CLDN10: variants seen among roughly 807,000 people sequenced by gnomAD.
CLDN10 encodes claudin 10, also known as claudin-10.
In CLDN10, 15 loss-of-function variants were observed where a neutral mutation model predicts 22.9. The observed-to-expected ratio is 0.65, with a 90% confidence interval of 0.44 to 1.01. CLDN10 has a LOEUF of 1.01. Ranked by LOEUF, CLDN10 falls within the 50% of genes least tolerant of loss-of-function variation. CLDN10 has a pLI of 0.00. For missense variants in CLDN10, 247 were observed against 287.8 expected (o/e 0.86, Z 1.03); for synonymous variants, 114 against 111.4 (o/e 1.02, Z -0.15).
At chr13:95,555,052 T>TTG (rs1284690936) in intron 1 of CLDN10, among the ~76,000 whole-genome samples, 2 of 108,414 alleles carry the variant, frequency 1.8e-5, no homozygotes, top group East Asian at 2.9e-4. Context: ...ATCCAGTTTT[T>TTG]TTTTTTTTTT....
At chr13:95,561,764 C>CT (rs201890987) in intron 3 of CLDN10, among the ~76,000 whole-genome samples, 17,761 of 135,290 alleles carry the variant, frequency 0.13, 1,365 homozygotes, top group East Asian at 0.26. Context: ...TTCTTTCGTC[C>CT]TTTTTTTTTT....
At chr13:95,475,398 G>A (rs558861265) in intron 1 of CLDN10, among the ~76,000 whole-genome samples, 17 of 152,306 alleles carry the variant, frequency 1.1e-4, no homozygotes, top group African/African-American at 2.2e-4. Flanking sequence ...CCTGATCTCC[G>A]CTAAGTTCAA....
chr13:95,450,167 A>T (rs77122126), intron 1 of CLDN10, among the ~76,000 whole-genome samples: 10 of 152,294 alleles, frequency 6.6e-5, no homozygotes, highest in African/African-American at 1.9e-4. Flanking sequence ...GAGCTACTGC[A>T]CCTGGCCTTG....
chr13:95,533,248 A>AG (rs1478183731), intron 1 of CLDN10, among the ~76,000 whole-genome samples: 1 of 150,284 alleles, frequency 6.7e-6, no homozygotes, highest in East Asian at 1.9e-4. Context: ...AGGGAGGGAG[A>AG]GGGGGAAGAA....
rs569351263 is a variant in CLDN10, at chr13:95,437,957, A to G, written c.214+3910A>G. On this transcript the variant is annotated intron_variant, in intron 1 of 4. Coordinates refer to the CLDN10 transcript ENST00000376873. ...TTCCAGAACTTCACAATGCTTCGCC[A>G]CCTGGCAGTAGAAGTTTCCCAAAGA... 2.6e-5 allele frequency among the ~76,000 whole-genome samples: 4 copies of G among 152,350 alleles called. No homozygotes were observed. In the South Asian group the frequency reaches 8.3e-4, roughly 32 times the overall value.
intron 1 of CLDN10, among the ~76,000 whole-genome samples, chr13:95,529,036 CTTGTTGTTG>C (rs746724488): frequency 6.6e-6 from 1 of 151,630 alleles, no homozygotes; most frequent in East Asian, 1.9e-4. Flanking sequence ...CAATGTTTTT[CTTGTTGTTG>C]TTGTTGTTGT....
At chr13:95,546,711 C>T (rs2043513011) in intron 1 of CLDN10, among the ~76,000 whole-genome samples, 1 of 152,122 alleles carries the variant, frequency 6.6e-6, no homozygotes, top group Non-Finnish European at 1.5e-5. Flanking sequence ...CAAGTATCTG[C>T]ATTTGGTAAC....
intron 1 of CLDN10, among the ~76,000 whole-genome samples, chr13:95,493,463 C>T (rs2042897156): frequency 6.6e-6 from 1 of 152,026 alleles, no homozygotes; most frequent in Non-Finnish European, 1.5e-5. Flanking sequence ...TGGTAACTCC[C>T]CACTTCCCCT....
intron 1 of CLDN10, among the ~76,000 whole-genome samples, chr13:95,454,460 GGGAA>G (rs1372716122): frequency 6.6e-6 from 1 of 151,896 alleles, no homozygotes; most frequent in African/African-American, 2.4e-5. Flanking sequence ...GAGGAAGGAA[GGGAA>G]GGAAGGAAGG....
chr13:95,478,899 T>C (rs2042711604), intron 1 of CLDN10, among the ~76,000 whole-genome samples: 1 of 152,234 alleles, frequency 6.6e-6, no homozygotes, highest in Non-Finnish European at 1.5e-5. Context: ...TATAGGTCAC[T>C]GGCCAAGCAC....
intron 1 of CLDN10, among the ~76,000 whole-genome samples, chr13:95,457,046 C>T (rs1002523530): frequency 6.6e-6 from 1 of 152,272 alleles, no homozygotes; most frequent in African/African-American, 2.4e-5. Flanking sequence ...AAAGCACTTC[C>T]TCCCACAGCC....
At chr13:95,556,364 A>G (rs1594609995) in intron 1 of CLDN10, among the ~76,000 whole-genome samples, 1 of 152,276 alleles carries the variant, frequency 6.6e-6, no homozygotes, top group South Asian at 2.1e-4. Flanking sequence ...TTATATAAAG[A>G]AATCTCTGAT....
chr13:95,576,700 G>C (rs2043933576), intron 3 of CLDN10, among the ~76,000 whole-genome samples: 1 of 152,148 alleles, frequency 6.6e-6, no homozygotes, highest in South Asian at 2.1e-4. Context: ...CTGCCATATG[G>C]GAGATCCTTA....
chr13:95,446,962 G>A (rs2042386874), intron 1 of CLDN10, among the ~76,000 whole-genome samples: 1 of 152,174 alleles, frequency 6.6e-6, no homozygotes, highest in Non-Finnish European at 1.5e-5. Context: ...CTGGGAGAAC[G>A]GACTACTACT....
intron 1 of CLDN10, among the ~76,000 whole-genome samples, chr13:95,502,377 T>C (rs7988162): frequency 0.14 from 21,649 of 152,226 alleles, 1,797 homozygotes; most frequent in African/African-American, 0.22. Flanking sequence ...CTGAGCAGCC[T>C]CAGGGAGTGG....
At chr13:95,478,471 G>A (rs540116103) in intron 1 of CLDN10, among the ~76,000 whole-genome samples, 2 of 152,316 alleles carry the variant, frequency 1.3e-5, no homozygotes, top group Admixed American at 1.3e-4. Flanking sequence ...ACTGGCCTTT[G>A]CCATACGGAA....
At chr13:95,487,822 A>G (rs2042820695) in intron 1 of CLDN10, among the ~76,000 whole-genome samples, 1 of 151,314 alleles carries the variant, frequency 6.6e-6, no homozygotes, top group Non-Finnish European at 1.5e-5. Context: ...CTACAGGTGC[A>G]CACCACCATG....
At chr13:95,539,297 TAAAAC>T (rs1182656183) in intron 1 of CLDN10, among the ~76,000 whole-genome samples, 3 of 152,226 alleles carry the variant, frequency 2.0e-5, no homozygotes, top group African/African-American at 4.8e-5. Flanking sequence ...ACTGGACTCT[TAAAAC>T]AACACAGAAG....
chr13:95,493,734 A>AT (rs574369378), intron 1 of CLDN10, among the ~76,000 whole-genome samples: 1 of 151,822 alleles, frequency 6.6e-6, no homozygotes, highest in Admixed American at 6.6e-5. Context: ...TAATTTTTGT[A>AT]TTTTTTGTAG....
Sources: gnomAD v4.1 joint callset for allele counts (sites outside exome capture counted in the v4.1 genomes callset) on GRCh38, gnomAD v4.1.1 for gene constraint, MANE v1.5 for transcripts, NCBI Gene and HGNC (gene_info 2026-07-23, HGNC 2026-07-21) for gene names.